GMPS: variants seen among roughly 807,000 people sequenced by gnomAD.
GMPS encodes the protein guanosine monophosphate synthase.
In GMPS, 15 loss-of-function variants were observed where a neutral mutation model predicts 77.9. The observed-to-expected ratio is 0.19, with a 90% CI of 0.13 to 0.30. The LOEUF (loss-of-function observed/expected upper bound fraction) is 0.30, where lower values mean the gene tolerates loss of function less well. Ranked by LOEUF, GMPS falls within the 10% of genes least tolerant of loss-of-function variation. The pLI is 1.00. For synonymous variants in GMPS, 224 were observed against 275.9 expected (o/e 0.81, Z 1.86); for missense variants, 590 against 838.8 (o/e 0.70, Z 3.66).
Position 155,870,964 on chromosome 3 carries a change from C to G in GMPS, c.27+67C>G. 2.2e-6 allele frequency: 3 copies of G among 1,348,100 alleles called. No individual in the cohort carries two copies. In the South Asian group the frequency reaches 5.0e-5, roughly 22 times the overall value. 83.5% of individuals were successfully genotyped at this position (1,348,100 alleles called of 1,614,324 possible). ...CGAGGCTCCCGGACCGGGGAGCCAC[C>G]CCGCGAGGCCCTTCCCCACCCCCTT... On this transcript the variant is annotated intron_variant, in intron 1 of 15. Coordinates refer to ENST00000496455, the MANE Select transcript of GMPS (RefSeq NM_003875.3).
chr3:155,900,066 C>G (rs999511330), intron 3 of GMPS, among the ~76,000 whole-genome samples: 5 of 152,088 alleles, frequency 3.3e-5, no homozygotes, highest in Admixed American at 3.3e-4. Context: ...AATAAAGGTG[C>G]TATGAACATC....
At chr3:155,925,394 G>A (rs1423864082) in intron 12 of GMPS, 28 bp downstream of exon 12, 3 of 1,523,974 alleles carry the variant, frequency 2.0e-6, no homozygotes, top group Middle Eastern at 1.7e-4. Context: ...ATTCACCAGT[G>A]ATATACTTTT....
At chr3:155,875,589 A>T (rs1754030518) in intron 1 of GMPS, among the ~76,000 whole-genome samples, 1 of 152,240 alleles carries the variant, frequency 6.6e-6, no homozygotes, top group Non-Finnish European at 1.5e-5. Flanking sequence ...AGATGCTGAA[A>T]ATGAATGAAA....
At chr3:155,879,730 C>T (rs1264802092) in intron 1 of GMPS, among the ~76,000 whole-genome samples, 6 of 107,626 alleles carry the variant, frequency 5.6e-5, no homozygotes, top group East Asian at 2.8e-4. Context: ...CTTTTTTGCC[C>T]TTTTTTTTTT....
At chr3:155,916,816 T>C (rs1755191224) in intron 9 of GMPS, among the ~76,000 whole-genome samples, 4 of 152,218 alleles carry the variant, frequency 2.6e-5, no homozygotes, top group African/African-American at 9.7e-5. Flanking sequence ...GTTTAACATT[T>C]TGATGAATTG....
In GMPS at chr3:155,940,989, A is replaced by G. The variant is rs773638878; in HGVS notation, c.*3297A>G. ...GAGAATATGCTTTGGCTTTGACACT[A>G]ATGAAGTCACCCATCATCAATTACA... On this transcript the variant is annotated 3_prime_UTR_variant, in exon 16 of 16. Transcript: ENST00000496455. 4.9e-6 allele frequency: 1 copy of G among 204,564 alleles called. No individual in the cohort carries two copies. The highest frequency in any genetic ancestry group is 1.0e-5 in the Non-Finnish European group (1 of 99,940). The allele number at this position is 204,564 out of a possible 1,614,324, so 12.7% of individuals were successfully genotyped here.
At position 155,941,476 on chromosome 3, in the gene GMPS, T is replaced by C. The variant is rs1755889910; in HGVS notation, c.*3784T>C. The C allele has an allele frequency of 4.7e-6, 1 of 211,972 alleles. No individual in the cohort carries two copies. Among genetic ancestry groups the C allele is most frequent in the East Asian group, 7.0e-5 (1 of 14,228 alleles). 13.1% of individuals were successfully genotyped at this position (211,972 alleles called of 1,614,324 possible). ...ATAAATGGGCTTCAAAAGTGTTAAT[T>C]GTCTCCTTACTTACAGTGAGTTTCT... On this transcript the variant is annotated 3_prime_UTR_variant, in exon 16 of 16. Transcript: ENST00000496455.
chr3:155,876,788 A>G (rs1754058951), intron 1 of GMPS, among the ~76,000 whole-genome samples: 1 of 152,230 alleles, frequency 6.6e-6, no homozygotes, highest in African/African-American at 2.4e-5. Flanking sequence ...TGAGTTAATT[A>G]TATAATAAGA....
In GMPS at chr3:155,941,661, A is replaced by G. The variant is rs143493904; in HGVS notation, c.*3969A>G. ...GCTTCTTTCATTGACCCAAATCCAG[A>G]ATGTAATGGGGAACTGAATACAAGT... On this transcript the variant is annotated 3_prime_UTR_variant, in exon 16 of 16. Coordinates refer to ENST00000496455, the MANE Select transcript of GMPS (RefSeq NM_003875.3). 5.4e-5 allele frequency: 12 copies of G among 222,762 alleles called. No individual in the cohort carries two copies. The East Asian group carries it at 7.8e-4, about 14-fold the overall frequency. The allele number at this position is 222,762 out of a possible 1,614,324, so 13.8% of individuals were successfully genotyped here. A position where few individuals can be genotyped will look rare whatever the true frequency, so the allele number is the denominator to read the frequency against.
chr3:155,942,300 G>A lies in GMPS; in HGVS notation c.*4608G>A, dbSNP rs1560058336. 5.3e-6 allele frequency: 1 copy of A among 187,664 alleles called. No homozygotes were observed. Among genetic ancestry groups the A allele is most frequent in the East Asian group, 8.7e-5 (1 of 11,558 alleles). 11.6% of individuals were successfully genotyped at this position (187,664 alleles called of 1,614,324 possible). ...AGACAGGGTTTCACTGTGTTATACA[G>A]GATGGTCTCGATCTCCCGACCTCAT... On this transcript the variant is annotated 3_prime_UTR_variant, in exon 16 of 16. Coordinates refer to ENST00000496455, the MANE Select transcript of GMPS (RefSeq NM_003875.3).
chr3:155,891,072 T>C (rs1458936629), intron 1 of GMPS, among the ~76,000 whole-genome samples: 1 of 152,202 alleles, frequency 6.6e-6, no homozygotes, highest in Non-Finnish European at 1.5e-5. Flanking sequence ...GTTATTTACA[T>C]GGTGGTTTGT....
chr3:155,921,496 A>G (rs1755315506), intron 10 of GMPS, among the ~76,000 whole-genome samples: 1 of 152,132 alleles, frequency 6.6e-6, no homozygotes, highest in South Asian at 2.1e-4. Context: ...TAATTTTGTG[A>G]TACTTAATAC....
chr3:155,928,765 C>T (rs1267710438), intron 12 of GMPS, among the ~76,000 whole-genome samples: 1 of 144,834 alleles, frequency 6.9e-6, no homozygotes, highest in Non-Finnish European at 1.5e-5. Flanking sequence ...CAATTCCCAC[C>T]TATGAGTGAG....
Position 155,898,055 on chromosome 3 carries a change from T to C in GMPS, c.324+14T>C. 2.3e-6 allele frequency: 3 copies of C among 1,297,236 alleles called. No individual in the cohort carries two copies. The highest frequency in any genetic ancestry group is 3.4e-6 in the Non-Finnish European group (3 of 890,734). The allele number at this position is 1,297,236 out of a possible 1,614,324, so 80.4% of individuals were successfully genotyped here. A position where few individuals can be genotyped will look rare whatever the true frequency, so the allele number is the denominator to read the frequency against. On this transcript the variant is annotated intron_variant, in intron 3 of 15. Transcript: ENST00000496455. The stretch of plus-strand genomic sequence containing the variant: ...TATGGTATGCAGGTATGTCAGCAAA[T>C]TTGTTTTGAAAGCTTACTTATATTT...
At chr3:155,888,733 G>GCAC (rs368024476) in intron 1 of GMPS, among the ~76,000 whole-genome samples, 21 of 152,084 alleles carry the variant, frequency 1.4e-4, no homozygotes, top group African/African-American at 4.6e-4. Flanking sequence ...TCACAGGCAT[G>GCAC]CACCACCACA....
intron 14 of GMPS, among the ~76,000 whole-genome samples, chr3:155,935,306 C>G (rs768681314): frequency 8.5e-5 from 13 of 152,138 alleles, no homozygotes; most frequent in African/African-American, 1.2e-4. Flanking sequence ...CCTCAGCCTC[C>G]CGAGTAGCTG....
chr3:155,877,657 G>A (rs1007225194), intron 1 of GMPS, among the ~76,000 whole-genome samples: 14 of 152,286 alleles, frequency 9.2e-5, no homozygotes, highest in African/African-American at 2.2e-4. Context: ...CAGAAACTGA[G>A]TGGCTTATGA....
intron 1 of GMPS, among the ~76,000 whole-genome samples, chr3:155,879,022 A>T (rs1577498337): frequency 6.6e-6 from 1 of 151,980 alleles, no homozygotes; most frequent in Non-Finnish European, 1.5e-5. Flanking sequence ...AGATAATTTG[A>T]CTTTCCCCTG....
Position 155,914,486 on chromosome 3 carries a change from C to G in GMPS, c.954C>G (p.Thr318=). ...TTLPISDEDR[T]PRKRISKTLN... is the part of the protein sequence containing the mutation. ...TACCAATATCAGATGAAGATAGAAC[C>G]CCACGGAAAAGAATTAGCAAAACGT... Residue 318 remains threonine (T), a synonymous_variant, in exon 8 of 16, where the codon ACC becomes ACG. Coordinates refer to ENST00000496455, the MANE Select transcript of GMPS (RefSeq NM_003875.3). 1 of 1,604,286 alleles carries G rather than the reference C, an allele frequency of 6.2e-7. No homozygotes were observed. Among genetic ancestry groups the G allele is most frequent in the Non-Finnish European group, 8.5e-7 (1 of 1,175,444 alleles).
Sources: gnomAD v4.1 joint callset for allele counts (sites outside exome capture counted in the v4.1 genomes callset) on GRCh38, gnomAD v4.1.1 for gene constraint, MANE v1.5 for transcripts, NCBI Gene and HGNC (gene_info 2026-07-23, HGNC 2026-07-21) for gene names.